Variants in DEFB106A observed in about 807,000 individuals in gnomAD.
The protein encoded by DEFB106A is beta-defensin 106.
For synonymous variants in DEFB106A, 1 was observed against 22.5 expected (o/e 0.04, Z 2.70); for missense variants, 4 against 63.7 (o/e 0.06, Z 3.19).
chr8:7,826,676 T>A, intron 1 of DEFB106A, among the ~76,000 whole-genome samples: 1 of 130,228 alleles, frequency 7.7e-6, no homozygotes, highest in Admixed American at 8.2e-5. Context: ...ACATATTTTT[T>A]TTTTTTTTTT....
intron 1 of DEFB106A, among the ~76,000 whole-genome samples, chr8:7,827,928 A>T (rs1310813484): frequency 7.2e-6 from 1 of 138,262 alleles, no homozygotes; most frequent in Non-Finnish European, 1.6e-5. Context: ...CTGGATAATC[A>T]TTAGTGCATA....
chr8:7,827,309 T>A (rs1369155018), intron 1 of DEFB106A, among the ~76,000 whole-genome samples: 2 of 119,788 alleles, frequency 1.7e-5, no homozygotes, highest in African/African-American at 5.9e-5. Context: ...TATAATACAC[T>A]AGTATATAGT....
chr8:7,827,551 C>G (rs1817449883), intron 1 of DEFB106A, among the ~76,000 whole-genome samples: 1 of 118,814 alleles, frequency 8.4e-6, no homozygotes, highest in African/African-American at 2.9e-5. Context: ...AGTGTACATA[C>G]TAGTATAATA....
chr8:7,826,938 G>A (rs1411334498), intron 1 of DEFB106A, among the ~76,000 whole-genome samples: 2 of 121,182 alleles, frequency 1.7e-5, no homozygotes, highest in African/African-American at 5.5e-5. Flanking sequence ...AAAGTGCTGG[G>A]ATTATAGGTG....
chr8:7,826,612 C>A (rs1249052323), intron 1 of DEFB106A, among the ~76,000 whole-genome samples: 1 of 145,058 alleles, frequency 6.9e-6, no homozygotes, highest in East Asian at 2.0e-4. Context: ...TGGTATTGTA[C>A]TAGTATTATA....
intron 1 of DEFB106A, among the ~76,000 whole-genome samples, chr8:7,827,263 A>G (rs138394560): frequency 0.046 from 1,918 of 42,042 alleles, 17 homozygotes; most frequent in Non-Finnish European, 0.06. Flanking sequence ...ATATACTAGT[A>G]TAATACTCTA....
intron 1 of DEFB106A, among the ~76,000 whole-genome samples, chr8:7,826,563 G>T (rs1231316125): frequency 2.7e-5 from 4 of 148,548 alleles, no homozygotes; most frequent in Non-Finnish European, 5.9e-5. Context: ...TTATAGTATA[G>T]CATAGTATAT....
At chr8:7,826,605 T>A (rs1817404926) in intron 1 of DEFB106A, among the ~76,000 whole-genome samples, 1 of 147,224 alleles carries the variant, frequency 6.8e-6, no homozygotes, top group South Asian at 2.2e-4. Flanking sequence ...TACAGTATGG[T>A]ATTGTACTAG....
intron 1 of DEFB106A, among the ~76,000 whole-genome samples, chr8:7,826,999 AG>A (rs1817419843): frequency 8.1e-6 from 1 of 124,106 alleles, no homozygotes; most frequent in Non-Finnish European, 1.8e-5. Flanking sequence ...TATTATTACT[AG>A]TAGTATTATA....
chr8:7,826,548 T>C lies in DEFB106A; in HGVS notation c.49+1323T>C, dbSNP rs1460786631. Among the ~76,000 whole-genome samples, 3 of 149,230 alleles carry C rather than the reference T, an allele frequency of 2.0e-5. No homozygotes were observed. In the East Asian group the frequency reaches 5.9e-4, roughly 29 times the overall value. The stretch of plus-strand genomic sequence containing the variant: ...TAGAGAAAATCTTTTTGGTTTAGTA[T>C]AGTATTATAGTATAGCATAGTATAT... On this transcript the variant is annotated intron_variant, in intron 1 of 1. Transcript: ENST00000335186.
rs796751499 is a variant in DEFB106A at position 7,827,848 on chromosome 8, C to T, written c.50-957C>T. Reference sequence around the variant, plus strand: ...GGGCAGAGAGAACATAGACCCCTGCCAGTGAGAGCCAGAGTTCATCGAGCT... The same window carrying T: ...GGGCAGAGAGAACATAGACCCCTGCTAGTGAGAGCCAGAGTTCATCGAGCT... On this transcript the variant is annotated intron_variant, in intron 1 of 1. Transcript: ENST00000335186. Among the ~76,000 whole-genome samples, 11 of 141,294 alleles carry T rather than the reference C, an allele frequency of 7.8e-5. 1 individual carries two copies. In the South Asian group the frequency reaches 2.7e-3, roughly 35 times the overall value. 92.7% of individuals were successfully genotyped at this position (141,294 alleles called of 152,430 possible).
At chr8:7,827,726 A>G (rs2128923162) in intron 1 of DEFB106A, among the ~76,000 whole-genome samples, 1 of 137,640 alleles carries the variant, frequency 7.3e-6, no homozygotes, top group South Asian at 2.6e-4. Context: ...GTATATACTA[A>G]GCTATACTAT....
At chr8:7,827,402 T>C (rs1817438712) in intron 1 of DEFB106A, among the ~76,000 whole-genome samples, 1 of 123,860 alleles carries the variant, frequency 8.1e-6, no homozygotes. Context: ...GTATAGTGTA[T>C]ATACTATTAT....
At position 7,829,047 on chromosome 8, in the gene DEFB106A, G is replaced by T; in HGVS notation, c.*94G>T. 1 of 595,488 alleles carries T rather than the reference G, an allele frequency of 1.7e-6. No individual in the cohort carries two copies. Among genetic ancestry groups the T allele is most frequent in the Non-Finnish European group, 2.9e-6 (1 of 340,002 alleles). The allele number at this position is 595,488 out of a possible 1,614,324, so 36.9% of individuals were successfully genotyped here. ...GGCAGACACTTTAATAAAAATAAATGACTGTCTTTGCTCAGTTTGTCAAGT... is the reference window on the plus strand; with the variant it reads ...GGCAGACACTTTAATAAAAATAAATTACTGTCTTTGCTCAGTTTGTCAAGT... On this transcript the variant is annotated 3_prime_UTR_variant, in exon 2 of 2. Transcript: ENST00000335186.
chr8:7,827,917 C>T (rs1345130129), intron 1 of DEFB106A, among the ~76,000 whole-genome samples: 1 of 139,376 alleles, frequency 7.2e-6, no homozygotes, highest in Non-Finnish European at 1.6e-5. Context: ...ATGTGCTGAT[C>T]CTGGATAATC....
intron 1 of DEFB106A, among the ~76,000 whole-genome samples, chr8:7,827,880 T>C (rs1427397357): frequency 2.1e-5 from 3 of 140,638 alleles, no homozygotes; most frequent in Non-Finnish European, 4.7e-5. Flanking sequence ...AGCTTTGAAA[T>C]AGTGGAGTAT....
chr8:7,828,046 T>C (rs1301930718), intron 1 of DEFB106A, among the ~76,000 whole-genome samples: 2 of 135,466 alleles, frequency 1.5e-5, no homozygotes, highest in African/African-American at 5.3e-5. Flanking sequence ...TTAAATGCAA[T>C]CTCTGTACAT....
chr8:7,828,544 TAGGG>T (rs3215416), intron 1 of DEFB106A, among the ~76,000 whole-genome samples: 38,488 of 62,680 alleles, frequency 0.61, 8,644 homozygotes, highest in East Asian at 0.69. Flanking sequence ...AACCATAGCT[TAGGG>T]ACGTTTCCCA....
At chr8:7,827,307 A>T (rs187344103) in intron 1 of DEFB106A, among the ~76,000 whole-genome samples, 47 of 116,770 alleles carry the variant, frequency 4.0e-4, no homozygotes, top group African/African-American at 1.2e-3. Context: ...AGTATAATAC[A>T]CTAGTATATA....
Sources: allele counts gnomAD v4.1 joint callset (sites outside exome capture counted in the v4.1 genomes callset), GRCh38; gene constraint gnomAD v4.1.1; transcripts MANE v1.5; gene names NCBI Gene and HGNC (gene_info 2026-07-23, HGNC 2026-07-21).